BMP2K: variants seen among roughly 807,000 people sequenced by gnomAD.
BMP2K encodes BMP2 inducible kinase.
Under a neutral mutation model 116.0 loss-of-function variants are expected in BMP2K, and 74 were observed. That is an observed-to-expected ratio of 0.64 (90% CI 0.53 to 0.77). BMP2K has a LOEUF of 0.77. Ranked by LOEUF, BMP2K falls within the 30% of genes least tolerant of loss-of-function variation. The pLI is 0.00. For synonymous variants in BMP2K, 486 were observed against 502.5 expected (o/e 0.97, Z 0.44); for missense variants, 1,365 against 1,403.6 (o/e 0.97, Z 0.44).
intron 1 of BMP2K, among the ~76,000 whole-genome samples, chr4:78,793,237 T>C (rs918528470): frequency 4.1e-4 from 62 of 151,730 alleles, no homozygotes; most frequent in Non-Finnish European, 8.1e-4. Context: ...CGGTGAAACC[T>C]TGTCTCTACT....
chr4:78,799,648 A>T (rs1728471078), intron 1 of BMP2K, among the ~76,000 whole-genome samples: 1 of 152,210 alleles, frequency 6.6e-6, no homozygotes, highest in Non-Finnish European at 1.5e-5. Context: ...AAAAGTACGT[A>T]AGATGTTTGT....
chr4:78,834,465 G>C (rs573250753), intron 3 of BMP2K, among the ~76,000 whole-genome samples: 1 of 152,160 alleles, frequency 6.6e-6, no homozygotes, highest in South Asian at 2.1e-4. Flanking sequence ...GTTTCACCAT[G>C]TTCACCAGGA....
chr4:78,873,355 C>A (rs1732467245), intron 13 of BMP2K, among the ~76,000 whole-genome samples: 1 of 152,058 alleles, frequency 6.6e-6, no homozygotes, highest in Non-Finnish European at 1.5e-5. Context: ...AACTTTGGTA[C>A]AAAATTTCTT....
At chr4:78,847,141 T>TA in intron 5 of BMP2K, 47 bp from the exon 6 acceptor site, 2 of 648,440 alleles carry the variant, frequency 3.1e-6, no homozygotes, top group Non-Finnish European at 4.3e-6. Context: ...GTCTTTTTTT[T>TA]ATATATATAT....
At chr4:78,873,658 CTGTG>C (rs377226626) in intron 13 of BMP2K, among the ~76,000 whole-genome samples, 11,026 of 139,332 alleles carry the variant, frequency 0.079, 433 homozygotes, top group South Asian at 0.2. Flanking sequence ...CTCCCAACCT[CTGTG>C]TGTGTGTGTG....
intron 1 of BMP2K, among the ~76,000 whole-genome samples, chr4:78,811,863 C>A (rs1387111449): frequency 6.6e-6 from 1 of 152,212 alleles, no homozygotes; most frequent in Non-Finnish European, 1.5e-5. Context: ...CAAAAACTCT[C>A]TCTCTTCATT....
Position 78,894,067 on chromosome 4 carries a change from C to A in BMP2K, c.2062+6783C>A, listed in dbSNP as rs1241204969. On this transcript the variant is annotated intron_variant, in intron 15 of 15. Coordinates refer to ENST00000502613, the MANE Select transcript of BMP2K (RefSeq NM_198892.2). ...ATTTCAAGAGTGGGTTTCAAATAAT[C>A]AGTAAACTATGCTGGAAACAGATGT... Among the ~76,000 whole-genome samples the A allele has an allele frequency of 3.3e-5, 5 of 152,188 alleles. No homozygotes were observed. The East Asian group carries it at 5.8e-4, about 18-fold the overall frequency.
At chr4:78,826,294 CA>C (rs1193527258) in intron 2 of BMP2K, 139 bp downstream of exon 2, 5 of 612,972 alleles carry the variant, frequency 8.2e-6, no homozygotes, top group Non-Finnish European at 1.1e-5. Context: ...CTCCACCTCC[CA>C]GGTTCAAGCA....
chr4:78,809,496 G>A (rs1005350894), intron 1 of BMP2K, among the ~76,000 whole-genome samples: 1 of 151,838 alleles, frequency 6.6e-6, no homozygotes, highest in Non-Finnish European at 1.5e-5. Flanking sequence ...TCCCATCTCT[G>A]CCTCCTGAGT....
At position 78,842,298 on chromosome 4, in the gene BMP2K, T is replaced by A. The variant is rs551934740; in HGVS notation, c.404-87T>A. 5.8e-6 allele frequency: 7 copies of A among 1,215,796 alleles called. No individual in the cohort carries two copies. The African/African-American group carries it at 9.1e-5, about 16-fold the overall frequency. The allele number at this position is 1,215,796 out of a possible 1,614,324, so 75.3% of individuals were successfully genotyped here. On this transcript the variant is annotated intron_variant, in intron 3 of 15. Coordinates refer to ENST00000502613, the MANE Select transcript of BMP2K (RefSeq NM_198892.2). ...TATGAAAAAGCCAATTTCCCATTAC[T>A]TGAAGCCATAAAGACATTTCTTAAT... is the stretch of plus-strand genomic sequence containing the variant.
chr4:78,910,795 T>C lies in BMP2K; in HGVS notation c.2248T>C (p.Ser750Pro). 2 of 1,613,814 alleles carry C rather than the reference T, an allele frequency of 1.2e-6. No homozygotes were observed. Among genetic ancestry groups the C allele is most frequent in the Non-Finnish European group, 1.7e-6 (2 of 1,179,862 alleles). ...SESDFESDPP[S>P]PKSSEEEEQD... Reference sequence around the variant, plus strand: ...AAGTGATTTTGAATCAGATCCCCCTTCTCCTAAGAGCAGTGAAGAGGAAGA... The same window carrying C: ...AAGTGATTTTGAATCAGATCCCCCTCCTCCTAAGAGCAGTGAAGAGGAAGA... The change falls in exon 16 of 16, where the codon TCT becomes CCT. Residue 750 changes from serine (S) to proline (P), a missense_variant. Physicochemically the swap from Ser to Pro is moderately conservative, Grantham distance 74. Transcript: ENST00000502613.
At chr4:78,872,465 T>C in intron 12 of BMP2K, 149 bp from the exon 13 acceptor site, 1 of 644,178 alleles carries the variant, frequency 1.6e-6, no homozygotes, top group East Asian at 2.8e-5. Context: ...TGTAGTTTTC[T>C]AGTAATAGAG....
At chr4:78,824,356 C>T (rs1166998438) in intron 1 of BMP2K, among the ~76,000 whole-genome samples, 3 of 152,330 alleles carry the variant, frequency 2.0e-5, no homozygotes, top group East Asian at 1.9e-4. Flanking sequence ...ACTGACAGTT[C>T]CATGTGGCTG....
intron 7 of BMP2K, among the ~76,000 whole-genome samples, chr4:78,856,966 C>G (rs563764948): frequency 1.3e-5 from 2 of 152,146 alleles, no homozygotes; most frequent in Non-Finnish European, 1.5e-5. Context: ...AAATCACTGT[C>G]TTTCCCACTG....
intron 1 of BMP2K, among the ~76,000 whole-genome samples, chr4:78,805,628 A>G (rs1364849881): frequency 6.6e-6 from 1 of 152,130 alleles, no homozygotes; most frequent in African/African-American, 2.4e-5. Context: ...TGTCAATAGA[A>G]GTGTTTTCTT....
chr4:78,850,486 T>G (rs1303156159), intron 6 of BMP2K, among the ~76,000 whole-genome samples: 1 of 151,946 alleles, frequency 6.6e-6, no homozygotes, highest in Admixed American at 6.6e-5. Context: ...GATGGTAGTC[T>G]GATAAGTTTA....
intron 1 of BMP2K, 127 bp downstream of exon 1, chr4:78,776,848 G>C (rs2109908570): frequency 1.0e-6 from 1 of 953,188 alleles, no homozygotes; most frequent in East Asian, 3.9e-5. Context: ...CCGGGCCAGC[G>C]GGGGCTCCTA....
chr4:78,851,086 TTGTAGGATAC>T, intron 7 of BMP2K, 30 bp downstream of exon 7: 1 of 1,586,526 alleles, frequency 6.3e-7, no homozygotes, highest in Non-Finnish European at 8.6e-7. Context: ...TATGAAAATA[TTGTAGGATAC>T]TGTACTTAGG....
At chr4:78,865,333 T>G (rs1036815972) in intron 9 of BMP2K, among the ~76,000 whole-genome samples, 1 of 152,216 alleles carries the variant, frequency 6.6e-6, no homozygotes, top group Non-Finnish European at 1.5e-5. Context: ...AGTAGGAGAT[T>G]ATGAATGGTT....
Sources: allele counts gnomAD v4.1 joint callset (sites outside exome capture counted in the v4.1 genomes callset), GRCh38; gene constraint gnomAD v4.1.1; transcripts MANE v1.5; gene names NCBI Gene and HGNC (gene_info 2026-07-23, HGNC 2026-07-21).